SYNRG: variants seen among roughly 807,000 people sequenced by gnomAD.
SYNRG encodes the protein synergin gamma.
Under a neutral mutation model 130.9 loss-of-function variants are expected in SYNRG, and 37 were observed. That is an observed-to-expected ratio of 0.28 (90% CI 0.22 to 0.37). The LOEUF (loss-of-function observed/expected upper bound fraction) is 0.37, where lower values mean the gene tolerates loss of function less well. SYNRG is among the 10% of genes least tolerant of loss of function. The pLI is 1.00. For synonymous variants in SYNRG, 539 were observed against 568.1 expected (o/e 0.95, Z 0.73); for missense variants, 1,338 against 1,588.9 (o/e 0.84, Z 2.68).
chr17:37,587,905 C>A (rs957810066), intron 3 of SYNRG, among the ~76,000 whole-genome samples: 4 of 152,240 alleles, frequency 2.6e-5, no homozygotes, highest in African/African-American at 9.6e-5. Flanking sequence ...CACCTCCTAT[C>A]CTTCTAGCTC....
intron 8 of SYNRG, 79 bp downstream of exon 8, chr17:37,576,262 A>C: frequency 7.1e-7 from 1 of 1,399,002 alleles, no homozygotes; most frequent in South Asian, 1.2e-5. Context: ...TAAGTGCAAC[A>C]GTAAATATTT....
chr17:37,553,268 C>T lies in SYNRG; in HGVS notation c.2455G>A (p.Gly819Ser), dbSNP rs2058841461. The change falls in exon 14 of 22, where the codon GGT becomes AGT. Residue 819 changes from glycine to serine, a missense_variant. Around this residue, in one of 3 missense-constraint regions of SYNRG, gnomAD observed 1,146 missense variants for 1,342.3 expected, o/e 0.85. Transcript: ENST00000612223. ...TCCTCCTTGCCAACACTGCTGCCACCAATGGAAGGGAGATCTAAGGACTTC... is the reference window on the plus strand; with the variant it reads ...TCCTCCTTGCCAACACTGCTGCCACTAATGGAAGGGAGATCTAAGGACTTC... Reference protein sequence around the residue: ...SVKSLDLPSIGGSSVGKEDSE... With the variant: ...SVKSLDLPSISGSSVGKEDSE... 1 of 1,613,858 alleles carries T rather than the reference C, an allele frequency of 6.2e-7. No homozygotes were observed. The highest frequency in any genetic ancestry group is 1.3e-5 in the African/African-American group (1 of 75,022).
At chr17:37,531,671 CAGG>C (rs2056646478) in intron 19 of SYNRG, among the ~76,000 whole-genome samples, 2 of 151,930 alleles carry the variant, frequency 1.3e-5, no homozygotes, top group Non-Finnish European at 2.9e-5. Flanking sequence ...CCCAGCTACT[CAGG>C]AGGCTGAGGT....
chr17:37,576,329 A>G lies in SYNRG; in HGVS notation c.901+12T>C. The G allele has an allele frequency of 1.9e-6, 3 of 1,613,398 alleles. No individual in the cohort carries two copies. Among genetic ancestry groups the G allele is most frequent in the Non-Finnish European group, 2.5e-6 (3 of 1,179,440 alleles). On this transcript the variant is annotated intron_variant, in intron 8 of 21. Transcript: ENST00000612223. ...ATCCAGATGGGAATCCTGGGTAAAG[A>G]AGCTTTTTTACCTGGAACCAAACTC...
At position 37,517,531 on chromosome 17, in the gene SYNRG, C is replaced by T. The variant is rs117787091; in HGVS notation, c.*1409G>A. 4,485 of 151,988 alleles carry T rather than the reference C, an allele frequency of 0.03. 99 individuals carry two copies. The highest frequency in any genetic ancestry group is 0.043 in the Non-Finnish European group (2,904 of 68,008). 9.4% of individuals were successfully genotyped at this position (151,988 alleles called of 1,614,324 possible). On this transcript the variant is annotated 3_prime_UTR_variant, in exon 22 of 22. Coordinates refer to ENST00000612223, the MANE Select transcript of SYNRG (RefSeq NM_007247.6). ...GAAGGTCAAGCAGAAGCCTCAGCAA[C>T]AGCTGTTTAATGAAAATGTTCCACA...
rs1437699716 is a variant in SYNRG at position 37,542,563 on chromosome 17, T to C, written c.2611A>G (p.Ile871Val). 1 of 1,606,210 alleles carries C rather than the reference T, an allele frequency of 6.2e-7. No homozygotes were observed. Among genetic ancestry groups the C allele is most frequent in the Non-Finnish European group, 8.5e-7 (1 of 1,177,052 alleles). Reference protein sequence around the residue: ...VSGQHPPAADIEDLKYAAFGS... With the variant: ...VSGQHPPAADVEDLKYAAFGS... ...AAAGCAGCATATTTTAAGTCCTCTA[T>C]ATCTGAAAGGGAAATAAGACCCCAC... The change falls in exon 15 of 22, where the codon ATA (isoleucine) becomes GTA (valine). Residue 871 changes from isoleucine to valine, a missense_variant and splice_region_variant. Ile to Val is a conservative substitution (Grantham distance 29, BLOSUM62 3). Around this residue, in one of 3 missense-constraint regions of SYNRG, gnomAD observed 1,146 missense variants for 1,342.3 expected, o/e 0.85. Coordinates refer to ENST00000612223, the MANE Select transcript of SYNRG (RefSeq NM_007247.6).
At chr17:37,574,654 C>T (rs900808038) in intron 8 of SYNRG, among the ~76,000 whole-genome samples, 1 of 152,088 alleles carries the variant, frequency 6.6e-6, no homozygotes, top group Admixed American at 6.5e-5. Flanking sequence ...TGAAAAGAGG[C>T]TCAACATCAC....
In SYNRG at chr17:37,570,908, G is replaced by A. The variant is rs992843120; in HGVS notation, c.1099-23C>T. On this transcript the variant is annotated intron_variant, in intron 9 of 21. Coordinates refer to ENST00000612223, the MANE Select transcript of SYNRG (RefSeq NM_007247.6). ...CCTCTACAAATGATAGAAAGAAAATGGATTAGAGGATTGTAAACCACATAC... is the reference window on the plus strand; with the variant it reads ...CCTCTACAAATGATAGAAAGAAAATAGATTAGAGGATTGTAAACCACATAC... The A allele has an allele frequency of 1.9e-6, 3 of 1,600,924 alleles. No homozygotes were observed. In the South Asian group the frequency reaches 3.4e-5, roughly 18 times the overall value.
intron 8 of SYNRG, among the ~76,000 whole-genome samples, chr17:37,575,432 AT>A (rs771613514): frequency 1.7e-4 from 25 of 151,100 alleles, no homozygotes; most frequent in Non-Finnish European, 2.9e-4. Flanking sequence ...AAAATATACA[AT>A]TATGTAGCCA....
intron 19 of SYNRG, among the ~76,000 whole-genome samples, chr17:37,523,204 G>A (rs1009532772): frequency 1.3e-5 from 2 of 152,014 alleles, no homozygotes; most frequent in African/African-American, 4.8e-5. Flanking sequence ...GTCACCCAGG[G>A]TGGAGTGCAG....
intron 3 of SYNRG, among the ~76,000 whole-genome samples, chr17:37,589,673 C>T (rs542739839): frequency 2.3e-4 from 35 of 151,634 alleles, no homozygotes; most frequent in Non-Finnish European, 4.3e-4. Context: ...GGTGTGAACC[C>T]GGGAGGCAGA....
chr17:37,609,359 G>A lies in SYNRG; in HGVS notation c.-4C>T. 17 of 1,434,600 alleles carry A rather than the reference G, an allele frequency of 1.2e-5. No homozygotes were observed. Among genetic ancestry groups the A allele is most frequent in the Non-Finnish European group, 1.5e-5 (17 of 1,099,598 alleles). The allele number at this position is 1,434,600 out of a possible 1,614,324, so 88.9% of individuals were successfully genotyped here. On this transcript the variant is annotated 5_prime_UTR_variant, in exon 1 of 22. Transcript: ENST00000612223. ...CAGCTCCTGGCCGCAGCGCCATCTTGCTCCCGACCTGCCGCTGCCTTCGCC... is the reference window on the plus strand; with the variant it reads ...CAGCTCCTGGCCGCAGCGCCATCTTACTCCCGACCTGCCGCTGCCTTCGCC...
At chr17:37,599,735 T>TA (rs1282363393) in intron 2 of SYNRG, among the ~76,000 whole-genome samples, 2 of 152,022 alleles carry the variant, frequency 1.3e-5, no homozygotes, top group East Asian at 1.9e-4. Flanking sequence ...AAAATAAAAA[T>TA]AAAAAACCAA....
intron 3 of SYNRG, among the ~76,000 whole-genome samples, chr17:37,594,794 C>T (rs2062610998): frequency 6.6e-6 from 1 of 152,102 alleles, no homozygotes; most frequent in Non-Finnish European, 1.5e-5. Context: ...ACTACACATC[C>T]CTATGTGGTT....
intron 14 of SYNRG, among the ~76,000 whole-genome samples, chr17:37,545,109 C>T (rs1288729079): frequency 1.3e-5 from 2 of 151,930 alleles, no homozygotes; most frequent in African/African-American, 2.4e-5. Flanking sequence ...ATTCCAGCTA[C>T]TCAGGAGGCT....
chr17:37,560,104 T>C (rs2059415443), intron 13 of SYNRG, among the ~76,000 whole-genome samples: 1 of 152,102 alleles, frequency 6.6e-6, no homozygotes, highest in Non-Finnish European at 1.5e-5. Flanking sequence ...AGAGACAAGG[T>C]CTCACTATGT....
chr17:37,595,480 C>T (rs2062681485), intron 3 of SYNRG, among the ~76,000 whole-genome samples: 1 of 152,100 alleles, frequency 6.6e-6, no homozygotes, highest in African/African-American at 2.4e-5. Context: ...GCTCGACAGA[C>T]ATTGGAGACT....
chr17:37,598,979 G>A (rs922802416), intron 2 of SYNRG, among the ~76,000 whole-genome samples: 7 of 152,150 alleles, frequency 4.6e-5, no homozygotes, highest in African/African-American at 1.7e-4. Flanking sequence ...ACGATGAAAA[G>A]AATACAACTG....
In SYNRG at chr17:37,553,739, T is replaced by C. The variant is rs766891859; in HGVS notation, c.1984A>G (p.Lys662Glu). ...AAATCATCAGCCAAACTAGAAGTTT[T>C]TGTTGCTGCCAATGCTGTCATAGTA... The part of the protein sequence containing the change: ...AATMTALAAT[K>E]TSSLADDFGE... Residue 662 changes from lysine to glutamate, a missense_variant, in exon 14 of 22, where the codon AAA (lysine) becomes GAA (glutamate). By Grantham distance (56) the Lys-to-Glu change is moderately conservative. Transcript: ENST00000612223. 34 of 1,612,882 alleles carry C rather than the reference T, an allele frequency of 2.1e-5. No homozygotes were observed. The highest frequency in any genetic ancestry group is 2.9e-5 in the Non-Finnish European group (34 of 1,179,808).
Sources: gnomAD v4.1 joint callset for allele counts (sites outside exome capture counted in the v4.1 genomes callset) on GRCh38, gnomAD v4.1.1 for gene constraint, gnomAD v4.1.1 regional missense constraint, MANE v1.5 for transcripts, NCBI Gene and HGNC (gene_info 2026-07-23, HGNC 2026-07-21) for gene names.